ANKS1B: variants seen among roughly 807,000 people sequenced by gnomAD.
ANKS1B encodes the protein ankyrin repeat and sterile alpha motif domain-containing protein 1B.
In ANKS1B, 36 loss-of-function variants were observed where a neutral mutation model predicts 148.3. The ratio of observed to expected loss-of-function variants is 0.24; its 90% confidence interval spans 0.19 to 0.32. ANKS1B has a LOEUF of 0.32. ANKS1B is among the 10% of genes least tolerant of loss of function. The probability of loss-of-function intolerance (pLI) is 1.00; values close to 1 mark genes in which losing one functional copy is unlikely to be tolerated. For synonymous variants in ANKS1B, 542 were observed against 560.8 expected, an observed-to-expected ratio of 0.97 and a Z score of 0.47; for missense variants, 1,157 against 1,542.6, an observed-to-expected ratio of 0.75 and a Z score of 4.19.
At chr12:99,369,601 T>G (rs2092970301) in intron 12 of ANKS1B, among the ~76,000 whole-genome samples, 1 of 146,386 alleles carries the variant, frequency 6.8e-6, no homozygotes. Context: ...TTTCTCAGTG[T>G]GCAAGGTATT....
At chr12:99,770,042 T>C (rs1466856150) in intron 8 of ANKS1B, among the ~76,000 whole-genome samples, 1 of 152,188 alleles carries the variant, frequency 6.6e-6, no homozygotes, top group East Asian at 1.9e-4. Flanking sequence ...CTTTTAAAAA[T>C]TCCTTTGGCC....
chr12:98,790,182 GT>G, intron 22 of ANKS1B, among the ~76,000 whole-genome samples: 1 of 152,292 alleles, frequency 6.6e-6, no homozygotes, highest in East Asian at 1.9e-4. Flanking sequence ...CAACTTCTGT[GT>G]TTTTTGGGGG....
chr12:99,613,633 A>G (rs1481426658), intron 9 of ANKS1B, among the ~76,000 whole-genome samples: 3 of 152,050 alleles, frequency 2.0e-5, no homozygotes, highest in African/African-American at 4.8e-5. Flanking sequence ...GTTCTCACTT[A>G]TAAGTGGCAG....
chr12:99,980,731 A>C (rs1440987555), intron 1 of ANKS1B, among the ~76,000 whole-genome samples: 1 of 152,056 alleles, frequency 6.6e-6, no homozygotes, highest in African/African-American at 2.4e-5. Flanking sequence ...CTCTTCCATG[A>C]AAAATACTTA....
At chr12:99,503,331 C>T (rs1045527786) in intron 10 of ANKS1B, among the ~76,000 whole-genome samples, 1 of 152,166 alleles carries the variant, frequency 6.6e-6, no homozygotes, top group African/African-American at 2.4e-5. Flanking sequence ...TTTTATCTTA[C>T]CCAGAAATTG....
chr12:98,757,996 C>G (rs1371281658), intron 25 of ANKS1B, among the ~76,000 whole-genome samples: 1 of 150,764 alleles, frequency 6.6e-6, no homozygotes, highest in East Asian at 2.0e-4. Context: ...TTACTGAAAA[C>G]AGCATACTCT....
chr12:99,977,288 C>T (rs374719677), intron 1 of ANKS1B, among the ~76,000 whole-genome samples: 18 of 152,136 alleles, frequency 1.2e-4, no homozygotes, highest in East Asian at 1.9e-4. Flanking sequence ...GGGCTACAGA[C>T]GTGCAATGCC....
At chr12:99,732,146 C>T (rs1243067934) in intron 8 of ANKS1B, among the ~76,000 whole-genome samples, 1 of 152,092 alleles carries the variant, frequency 6.6e-6, no homozygotes, top group African/African-American at 2.4e-5. Context: ...ACTTAAAAGA[C>T]TGATGATATA....
intron 9 of ANKS1B, among the ~76,000 whole-genome samples, chr12:99,559,832 T>G (rs1597084324): frequency 1.3e-5 from 2 of 152,156 alleles, no homozygotes; most frequent in Non-Finnish European, 2.9e-5. Flanking sequence ...AGTTTTGATA[T>G]AAAAATCATA....
At chr12:99,818,812 C>G (rs1010192230) in intron 2 of ANKS1B, among the ~76,000 whole-genome samples, 14 of 151,826 alleles carry the variant, frequency 9.2e-5, no homozygotes, top group Non-Finnish European at 1.8e-4. Flanking sequence ...GAAGTATTGA[C>G]TTTTGCTGCT....
At chr12:99,357,330 T>C (rs1457700582) in intron 12 of ANKS1B, among the ~76,000 whole-genome samples, 3 of 152,152 alleles carry the variant, frequency 2.0e-5, no homozygotes, top group Non-Finnish European at 4.4e-5. Flanking sequence ...GGCAACTTTT[T>C]AGCATTTTAA....
chr12:98,876,108 C>A (rs1223531357), intron 17 of ANKS1B, among the ~76,000 whole-genome samples: 1 of 152,176 alleles, frequency 6.6e-6, no homozygotes, highest in Non-Finnish European at 1.5e-5. Flanking sequence ...TATAGTCATA[C>A]TACACCTCTG....
chr12:99,357,406 T>C (rs2092096819), intron 12 of ANKS1B, among the ~76,000 whole-genome samples: 1 of 152,176 alleles, frequency 6.6e-6, no homozygotes, highest in South Asian at 2.1e-4. Flanking sequence ...ACCATGCTCC[T>C]GAGTTTAAAT....
intron 8 of ANKS1B, among the ~76,000 whole-genome samples, chr12:99,668,930 C>T (rs1416635446): frequency 2.0e-5 from 3 of 152,062 alleles, no homozygotes; most frequent in Non-Finnish European, 4.4e-5. Flanking sequence ...TTTATTGCAT[C>T]TACTTTATTT....
intron 10 of ANKS1B, among the ~76,000 whole-genome samples, chr12:99,460,699 A>G (rs1431849333): frequency 3.3e-5 from 5 of 151,670 alleles, no homozygotes; most frequent in African/African-American, 1.2e-4. Flanking sequence ...AAAATGAGAT[A>G]CCACCTTACT....
intron 14 of ANKS1B, among the ~76,000 whole-genome samples, chr12:99,185,884 G>A (rs963589476): frequency 4.6e-5 from 7 of 152,126 alleles, no homozygotes; most frequent in Admixed American, 6.5e-5. Flanking sequence ...GAACACCAGC[G>A]AGACAGAACT....
intron 17 of ANKS1B, among the ~76,000 whole-genome samples, chr12:98,875,250 G>A (rs1299930786): frequency 6.6e-6 from 1 of 152,120 alleles, no homozygotes. Flanking sequence ...ATTATTACCA[G>A]AGCCCAGTAT....
At chr12:98,985,708 G>T (rs533000295) in intron 17 of ANKS1B, among the ~76,000 whole-genome samples, 1 of 151,936 alleles carries the variant, frequency 6.6e-6, no homozygotes, top group South Asian at 2.1e-4. Context: ...CTAAGATGTT[G>T]TAAACCTCTC....
At chr12:99,519,272 T>G (rs1211770617) in intron 9 of ANKS1B, among the ~76,000 whole-genome samples, 2 of 152,102 alleles carry the variant, frequency 1.3e-5, no homozygotes, top group Admixed American at 1.3e-4. Flanking sequence ...CAATGTTTCT[T>G]TGTAGATTTT....
Sources: allele counts gnomAD v4.1 joint callset (sites outside exome capture counted in the v4.1 genomes callset), GRCh38; gene constraint gnomAD v4.1.1; transcripts MANE v1.5; gene names NCBI Gene and HGNC (gene_info 2026-07-23, HGNC 2026-07-21).